The following KIRREL1 variants were observed in gnomAD, a reference collection of about 807,000 sequenced individuals.
The protein encoded by KIRREL1 is kin of IRRE-like protein 1.
In KIRREL1, 25 loss-of-function variants were observed where a neutral mutation model predicts 83.3. The observed-to-expected ratio is 0.30, with a 90% CI of 0.22 to 0.42. The LOEUF (loss-of-function observed/expected upper bound fraction) is 0.42. KIRREL1 is among the 10% of genes least tolerant of loss of function. The pLI is 1.00. For synonymous variants in KIRREL1, 388 were observed against 410.4 expected, an observed-to-expected ratio of 0.95 and a Z score of 0.66; for missense variants, 812 against 1,032.3, an observed-to-expected ratio of 0.79 and a Z score of 2.92.
intron 1 of KIRREL1, among the ~76,000 whole-genome samples, chr1:158,067,748 G>T (rs771745385): frequency 2.0e-5 from 3 of 152,198 alleles, no homozygotes; most frequent in Non-Finnish European, 4.4e-5. Flanking sequence ...GGCTGATCCC[G>T]CTTGCATTTT....
intron 1 of KIRREL1, among the ~76,000 whole-genome samples, chr1:158,056,995 CATTT>C (rs898817236): frequency 6.6e-6 from 1 of 152,182 alleles, no homozygotes; most frequent in African/African-American, 2.4e-5. Context: ...TCCAAACCTT[CATTT>C]ATCTTTTTTT....
intron 1 of KIRREL1, among the ~76,000 whole-genome samples, chr1:158,058,118 G>A (rs1451749249): frequency 3.3e-5 from 5 of 152,186 alleles, no homozygotes; most frequent in Non-Finnish European, 7.3e-5. Context: ...CTGCGTCTGT[G>A]GCCTGCGGGT....
chr1:158,089,006 A>AGGGAGAGGGCCTGGGGCG (rs1662109771), intron 8 of KIRREL1, among the ~76,000 whole-genome samples: 2 of 150,506 alleles, frequency 1.3e-5, no homozygotes, highest in African/African-American at 4.9e-5. Flanking sequence ...GGTGGGAGGA[A>AGGGAGAGGGCCTGGGGCG]GGGAGAGGGC....
At chr1:158,054,429 A>G (rs753271106) in intron 1 of KIRREL1, among the ~76,000 whole-genome samples, 1 of 152,072 alleles carries the variant, frequency 6.6e-6, no homozygotes, top group Non-Finnish European at 1.5e-5. Flanking sequence ...TTATTATCCC[A>G]AACAGCATGC....
intron 1 of KIRREL1, among the ~76,000 whole-genome samples, chr1:158,041,747 G>A (rs1188713994): frequency 1.3e-5 from 2 of 152,160 alleles, no homozygotes; most frequent in Non-Finnish European, 2.9e-5. Context: ...GTGCGTGATG[G>A]TGAACAAGTC....
At chr1:158,006,260 A>G (rs1438550294) in intron 1 of KIRREL1, among the ~76,000 whole-genome samples, 5 of 152,192 alleles carry the variant, frequency 3.3e-5, no homozygotes, top group Non-Finnish European at 7.3e-5. Context: ...AAAGGAATTC[A>G]TTAGTACTCT....
At chr1:158,022,886 T>C (rs1240295612) in intron 1 of KIRREL1, among the ~76,000 whole-genome samples, 2 of 152,160 alleles carry the variant, frequency 1.3e-5, no homozygotes, top group East Asian at 3.9e-4. Context: ...CGCACACTCT[T>C]ACCTGTGTAT....
At chr1:157,997,934 T>C (rs1659250244) in intron 1 of KIRREL1, among the ~76,000 whole-genome samples, 1 of 152,202 alleles carries the variant, frequency 6.6e-6, no homozygotes, top group Non-Finnish European at 1.5e-5. Flanking sequence ...CAGGCTAGGG[T>C]GCAGTGGTGT....
intron 1 of KIRREL1, among the ~76,000 whole-genome samples, chr1:158,055,313 C>G (rs1391826881): frequency 1.3e-5 from 2 of 152,096 alleles, no homozygotes; most frequent in Non-Finnish European, 2.9e-5. Context: ...TTGCCAGCTC[C>G]ACTTTCTTTG....
At chr1:158,012,217 C>G (rs1659708687) in intron 1 of KIRREL1, among the ~76,000 whole-genome samples, 1 of 152,144 alleles carries the variant, frequency 6.6e-6, no homozygotes, top group South Asian at 2.1e-4. Flanking sequence ...TTGGGCAAGA[C>G]ATGTGCTTTT....
intron 1 of KIRREL1, among the ~76,000 whole-genome samples, chr1:158,008,881 C>T (rs1659593744): frequency 6.6e-6 from 1 of 152,164 alleles, no homozygotes; most frequent in Non-Finnish European, 1.5e-5. Context: ...GGCCCTGTCT[C>T]CATGGGGTCA....
At position 158,093,328 on chromosome 1, in the gene KIRREL1, C is replaced by T; in HGVS notation, c.1472-11C>T. ...AGCCTCACCCCTCCACCTTTCCTTC[C>T]CCATCGAAAGAGGTGTTACCTGTGG... On this transcript the variant is annotated splice_polypyrimidine_tract_variant and intron_variant, in intron 11 of 14. Coordinates refer to ENST00000359209, the MANE Select transcript of KIRREL1 (RefSeq NM_018240.7). The T allele has an allele frequency of 5.0e-6, 8 of 1,609,968 alleles. No individual in the cohort carries two copies. Among genetic ancestry groups the T allele is most frequent in the Non-Finnish European group, 6.8e-6 (8 of 1,176,172 alleles).
Position 158,091,428 on chromosome 1 carries a change from C to T in KIRREL1, c.1343C>T (p.Ser448Leu), listed in dbSNP as rs1662191953. Residue 448 changes from serine to leucine, a missense_variant, in exon 11 of 15, where the codon TCA becomes TTA. Ser to Leu is a moderately radical substitution (Grantham distance 145). This residue lies in a region of KIRREL1 where 472 missense variants were observed against 626.8 expected (regional missense o/e 0.75). Transcript: ENST00000359209. ...LERYTVERTN[S>L]GSGVLSTLTI... ...CGCTATACAGTGGAGAGGACCAACTCAGGCAGTGGGGTGCTATCCACGCTC... is the reference window on the plus strand; with the variant it reads ...CGCTATACAGTGGAGAGGACCAACTTAGGCAGTGGGGTGCTATCCACGCTC... 6.2e-7 allele frequency: 1 copy of T among 1,614,222 alleles called. No individual in the cohort carries two copies. The highest frequency in any genetic ancestry group is 1.1e-5 in the South Asian group (1 of 91,086).
chr1:158,057,002 CT>C (rs377197318), intron 1 of KIRREL1, among the ~76,000 whole-genome samples: 3 of 152,138 alleles, frequency 2.0e-5, no homozygotes, highest in African/African-American at 7.2e-5. Context: ...CTTCATTTAT[CT>C]TTTTTTCATC....
chr1:158,053,416 G>T (rs61818078), intron 1 of KIRREL1, among the ~76,000 whole-genome samples: 2 of 152,220 alleles, frequency 1.3e-5, no homozygotes, highest in Non-Finnish European at 2.9e-5. Flanking sequence ...TAGCTTGCAA[G>T]TGTATTTAAG....
At chr1:158,002,793 G>A (rs1488607564) in intron 1 of KIRREL1, among the ~76,000 whole-genome samples, 2 of 152,122 alleles carry the variant, frequency 1.3e-5, no homozygotes, top group East Asian at 1.9e-4. Flanking sequence ...CAGGGGCTGC[G>A]GGGCCTCTGG....
chr1:158,015,831 CTTGTT>C (rs1659810648), intron 1 of KIRREL1, among the ~76,000 whole-genome samples: 1 of 152,162 alleles, frequency 6.6e-6, no homozygotes, highest in African/African-American at 2.4e-5. Context: ...ATTTATTTCT[CTTGTT>C]TTTAGTCTCT....
In KIRREL1 at chr1:158,087,659, C is replaced by T. The variant is rs1662054505; in HGVS notation, c.662-96C>T. 7.5e-6 allele frequency: 6 copies of T among 800,550 alleles called. No homozygotes were observed. In the East Asian group the frequency reaches 1.6e-4, roughly 22 times the overall value. 49.6% of individuals were successfully genotyped at this position (800,550 alleles called of 1,614,324 possible). On this transcript the variant is annotated intron_variant, in intron 5 of 14. Transcript: ENST00000359209. The stretch of plus-strand genomic sequence containing the variant: ...ACTGCAACCTCAAATTCCTAGATCC[C>T]CGCCAGAGTGGTCAGGTCTGAATGT...
In KIRREL1 at chr1:158,088,103, G is replaced by A; in HGVS notation, c.865G>A (p.Val289Ile). The change falls in exon 7 of 15, where the codon GTT becomes ATT. Residue 289 changes from valine to isoleucine, a missense_variant. Val to Ile is a conservative substitution (Grantham distance 29). Around this residue, in one of 3 missense-constraint regions of KIRREL1, gnomAD observed 472 missense variants for 626.8 expected, o/e 0.75. Transcript: ENST00000359209. ...TTTCACGGAGCCTGTGTCTTGTGAG[G>A]TTCACAACAAAGTGGGAAGCACCAA... ...SFFTEPVSCE[V>I]HNKVGSTNVS... 1 of 1,614,172 alleles carries A rather than the reference G, an allele frequency of 6.2e-7. No homozygotes were observed. The highest frequency in any genetic ancestry group is 8.5e-7 in the Non-Finnish European group (1 of 1,180,040).
Sources: allele counts gnomAD v4.1 joint callset (sites outside exome capture counted in the v4.1 genomes callset), GRCh38; gene constraint gnomAD v4.1.1; regional missense constraint gnomAD v4.1.1; transcripts MANE v1.5; gene names NCBI Gene and HGNC (gene_info 2026-07-23, HGNC 2026-07-21).